The following CCDC38 variants were observed in gnomAD, a reference collection of about 807,000 sequenced individuals.
CCDC38 encodes coiled-coil domain-containing protein 38.
In CCDC38, 69 loss-of-function variants were observed where a neutral mutation model predicts 72.8. The ratio of observed to expected loss-of-function variants is 0.95; its 90% CI spans 0.78 to 1.16. The LOEUF (loss-of-function observed/expected upper bound fraction) is 1.16, where lower values mean the gene tolerates loss of function less well. CCDC38 is among the 50% of genes most tolerant of loss of function. The pLI, the probability that CCDC38 is intolerant of heterozygous loss-of-function variation, is 0.00. For missense variants in CCDC38, 626 were observed against 638.9 expected, an observed-to-expected ratio of 0.98 and a Z score of 0.22; for synonymous variants, 201 against 213.2, an observed-to-expected ratio of 0.94 and a Z score of 0.50.
In CCDC38 at chr12:95,888,308, C is replaced by T; in HGVS notation, c.920+150G>A. On this transcript the variant is annotated intron_variant, in intron 10 of 15. Transcript: ENST00000344280. The stretch of plus-strand genomic sequence containing the variant: ...AAGATTGGAGAGAGGCCTGTGAGAT[C>T]TCAGGAGTGCACAGAAATGGCACCA... 4 of 701,678 alleles carry T rather than the reference C, an allele frequency of 5.7e-6. No individual in the cohort carries two copies. The South Asian group carries it at 7.1e-5, about 12-fold the overall frequency. 43.5% of individuals were successfully genotyped at this position (701,678 alleles called of 1,614,324 possible). A position where few individuals can be genotyped will look rare whatever the true frequency, so the allele number is the denominator to read the frequency against.
chr12:95,914,931 T>C (rs1212859597), intron 4 of CCDC38, among the ~76,000 whole-genome samples: 2 of 152,224 alleles, frequency 1.3e-5, no homozygotes, highest in Non-Finnish European at 2.9e-5. Flanking sequence ...CATATTTATT[T>C]GATTAGATTC....
intron 2 of CCDC38, among the ~76,000 whole-genome samples, chr12:95,928,281 C>A (rs1479743852): frequency 6.6e-6 from 1 of 152,202 alleles, no homozygotes; most frequent in Non-Finnish European, 1.5e-5. Flanking sequence ...CGCTTCATTT[C>A]ATTCACTTCA....
chr12:95,881,570 G>T lies in CCDC38; in HGVS notation c.921-16C>A. 6.3e-7 allele frequency: 1 copy of T among 1,599,796 alleles called. No homozygotes were observed. Among genetic ancestry groups the T allele is most frequent in the East Asian group, 2.3e-5 (1 of 44,222 alleles). ...TTCAGCCAGGCTGTAAAAGAAAAAA[G>T]AAAAAGAAAATGTCTGATTTGTGAG... On this transcript the variant is annotated splice_polypyrimidine_tract_variant and intron_variant, in intron 10 of 15. Transcript: ENST00000344280.
At chr12:95,902,797 C>T (rs1460499476) in intron 5 of CCDC38, among the ~76,000 whole-genome samples, 1 of 152,122 alleles carries the variant, frequency 6.6e-6, no homozygotes, top group Non-Finnish European at 1.5e-5. Context: ...TATGAAACTG[C>T]AGCAGACTAA....
chr12:95,869,661 C>T, intron 14 of CCDC38, 88 bp from the exon 15 acceptor site: 1 of 971,312 alleles, frequency 1.0e-6, no homozygotes. Flanking sequence ...AGCCATGTGA[C>T]TAGAAGACCT....
chr12:95,871,185 A>G (rs553765055), intron 14 of CCDC38, among the ~76,000 whole-genome samples: 1 of 152,328 alleles, frequency 6.6e-6, no homozygotes, highest in East Asian at 1.9e-4. Context: ...GCCTCAAACT[A>G]GGACAGTAGG....
chr12:95,901,942 T>G (rs1050064538), intron 5 of CCDC38, among the ~76,000 whole-genome samples: 3 of 152,128 alleles, frequency 2.0e-5, no homozygotes, highest in African/African-American at 7.2e-5. Context: ...TGGTATGTAA[T>G]GTGATATCTA....
intron 5 of CCDC38, 97 bp downstream of exon 5, chr12:95,906,286 TTGGG>T: frequency 1.2e-6 from 1 of 818,762 alleles, no homozygotes; most frequent in Non-Finnish European, 2.0e-6. Flanking sequence ...ACCAATAGAT[TTGGG>T]ACATGTAATA....
At chr12:95,922,750 G>T (rs1426809677) in intron 2 of CCDC38, among the ~76,000 whole-genome samples, 1 of 152,176 alleles carries the variant, frequency 6.6e-6, no homozygotes, top group African/African-American at 2.4e-5. Context: ...GGTGGGTCCA[G>T]GCAGCTAGAC....
intron 4 of CCDC38, among the ~76,000 whole-genome samples, chr12:95,913,881 G>A (rs1012586231): frequency 1.2e-4 from 19 of 152,086 alleles, no homozygotes; most frequent in Middle Eastern, 6.3e-3. Context: ...TGCACCCACC[G>A]AGAACTTCGA....
chr12:95,940,931 T>G (rs797019082), intron 1 of CCDC38, among the ~76,000 whole-genome samples: 24 of 151,600 alleles, frequency 1.6e-4, no homozygotes, highest in African/African-American at 5.1e-4. Flanking sequence ...GAAGGATGGG[T>G]TAAGGAGTCA....
intron 7 of CCDC38, among the ~76,000 whole-genome samples, chr12:95,895,353 G>A (rs534034496): frequency 2.0e-5 from 3 of 152,304 alleles, no homozygotes; most frequent in African/African-American, 7.2e-5. Context: ...AATAAAACAT[G>A]TCCAAGGATA....
chr12:95,911,846 C>A (rs1051452297), intron 4 of CCDC38, among the ~76,000 whole-genome samples: 1 of 152,108 alleles, frequency 6.6e-6, no homozygotes, highest in Admixed American at 6.6e-5. Flanking sequence ...ATCATCCAAC[C>A]CAGCAATCCC....
intron 2 of CCDC38, among the ~76,000 whole-genome samples, chr12:95,923,696 C>A (rs935491866): frequency 6.6e-5 from 10 of 151,918 alleles, no homozygotes; most frequent in Admixed American, 2.0e-4. Flanking sequence ...TCCCCACTCC[C>A]CCCACTCCAC....
chr12:95,885,211 C>T (rs2079745490), intron 10 of CCDC38: 2 of 153,246 alleles, frequency 1.3e-5, no homozygotes, highest in South Asian at 1.8e-4. Context: ...CCTGTTTTCT[C>T]TATTGTTTTG....
At chr12:95,915,413 C>G (rs1468353407) in intron 4 of CCDC38, among the ~76,000 whole-genome samples, 2 of 152,162 alleles carry the variant, frequency 1.3e-5, no homozygotes, top group Non-Finnish European at 2.9e-5. Flanking sequence ...CAGAGTCAGG[C>G]TGCTCGCTGT....
At chr12:95,924,591 GT>G (rs2080247823) in intron 2 of CCDC38, among the ~76,000 whole-genome samples, 1 of 150,868 alleles carries the variant, frequency 6.6e-6, no homozygotes, top group Non-Finnish European at 1.5e-5. Flanking sequence ...TGCTTTTGGT[GT>G]TTTAGACATG....
chr12:95,915,626 A>G (rs2080136470), intron 4 of CCDC38, among the ~76,000 whole-genome samples: 1 of 152,156 alleles, frequency 6.6e-6, no homozygotes, highest in South Asian at 2.1e-4. Context: ...GGATTCAGGC[A>G]GGGGATGCAA....
chr12:95,938,404 T>C (rs1432364523), intron 1 of CCDC38, among the ~76,000 whole-genome samples: 1 of 152,180 alleles, frequency 6.6e-6, no homozygotes, highest in Non-Finnish European at 1.5e-5. Context: ...CTTTGGTCCT[T>C]CTATCTATCT....
Sources: gnomAD v4.1 joint callset for allele counts (sites outside exome capture counted in the v4.1 genomes callset) on GRCh38, gnomAD v4.1.1 for gene constraint, MANE v1.5 for transcripts, NCBI Gene and HGNC (gene_info 2026-07-23, HGNC 2026-07-21) for gene names.